DOCK4: variants seen among roughly 807,000 people sequenced by gnomAD.
DOCK4 encodes the protein dedicator of cytokinesis protein 4.
Under a neutral mutation model 268.1 loss-of-function variants are expected in DOCK4, and 97 were observed. That is an observed-to-expected ratio of 0.36 (90% confidence interval 0.31 to 0.43). The LOEUF is 0.43. DOCK4 is among the 20% of genes least tolerant of loss of function. The probability of loss-of-function intolerance (pLI) is 1.00; values close to 1 mark genes in which losing one functional copy is unlikely to be tolerated. For missense variants in DOCK4, 2,145 were observed against 2,455.7 expected (o/e 0.87, Z 2.67); for synonymous variants, 954 against 887.2 (o/e 1.08, Z -1.34).
intron 35 of DOCK4, 145 bp downstream of exon 35, chr7:111,782,719 C>A (rs548100788): frequency 2.4e-6 from 2 of 850,218 alleles, no homozygotes; most frequent in Non-Finnish European, 3.7e-6. Flanking sequence ...GCTCACTATG[C>A]TTCTCTTAAA....
chr7:112,124,948 T>C (rs1025228574), intron 1 of DOCK4, among the ~76,000 whole-genome samples: 2 of 152,198 alleles, frequency 1.3e-5, no homozygotes, highest in African/African-American at 2.4e-5. Flanking sequence ...GAGATATTCA[T>C]ATAAACATGA....
At chr7:111,870,907 A>T (rs17158926) in intron 20 of DOCK4, among the ~76,000 whole-genome samples, 31,497 of 152,014 alleles carry the variant, frequency 0.21, 3,483 homozygotes, top group African/African-American at 0.27. Flanking sequence ...TAGGGCCCAA[A>T]TTGTTAGGCT....
intron 1 of DOCK4, among the ~76,000 whole-genome samples, chr7:112,093,814 TA>T (rs1809857187): frequency 6.8e-6 from 1 of 146,426 alleles, no homozygotes; most frequent in South Asian, 2.1e-4. Flanking sequence ...AATATTGAGA[TA>T]AAAAATTGAT....
At chr7:111,916,196 G>A (rs1792572365) in intron 12 of DOCK4, among the ~76,000 whole-genome samples, 1 of 152,104 alleles carries the variant, frequency 6.6e-6, no homozygotes, top group African/African-American at 2.4e-5. Context: ...CTAGTCTGGT[G>A]GAGCACGTTC....
intron 1 of DOCK4, chr7:112,023,378 T>C (rs1802507006): frequency 4.4e-6 from 1 of 225,812 alleles, no homozygotes. Flanking sequence ...AAAGCCTCTG[T>C]TTCCCCCTTA....
intron 1 of DOCK4, among the ~76,000 whole-genome samples, chr7:112,141,193 A>T (rs1454845297): frequency 6.6e-6 from 1 of 152,146 alleles, no homozygotes; most frequent in Non-Finnish European, 1.5e-5. Context: ...AGCTTTTTAT[A>T]TTAAACCCCT....
chr7:111,815,363 A>G (rs941290025), intron 27 of DOCK4, among the ~76,000 whole-genome samples: 2 of 152,220 alleles, frequency 1.3e-5, no homozygotes, highest in African/African-American at 4.8e-5. Context: ...TCTCTAAGCT[A>G]GCCAGAGACA....
chr7:112,018,168 A>C lies in DOCK4; in HGVS notation c.38-14037T>G, dbSNP rs1227174782. ...CAAAAAAAAAAAAAAAAAAAAAAAA[A>C]AAAAAAAAAAAACACAGGCAACCAG... On this transcript the variant is annotated intron_variant, in intron 1 of 52. Coordinates refer to ENST00000428084, the MANE Select transcript of DOCK4 (RefSeq NM_001363540.2). 6.3e-5 allele frequency among the ~76,000 whole-genome samples: 9 copies of C among 143,834 alleles called. No individual in the cohort carries two copies. In the South Asian group the frequency reaches 6.8e-4, roughly 11 times the overall value. The allele number at this position is 143,834 out of a possible 152,430, so 94.4% of individuals were successfully genotyped here.
At chr7:112,134,136 C>T (rs1030630872) in intron 1 of DOCK4, among the ~76,000 whole-genome samples, 1 of 152,160 alleles carries the variant, frequency 6.6e-6, no homozygotes, top group Admixed American at 6.5e-5. Context: ...AGAATCGTTT[C>T]AATTGTAATT....
intron 26 of DOCK4, among the ~76,000 whole-genome samples, chr7:111,831,793 G>A (rs1802831188): frequency 6.6e-6 from 1 of 152,106 alleles, no homozygotes; most frequent in African/African-American, 2.4e-5. Context: ...CTGGCCAAAT[G>A]CATTTTCAAT....
At chr7:111,853,865 G>C (rs1378632313) in intron 23 of DOCK4, among the ~76,000 whole-genome samples, 8 of 151,948 alleles carry the variant, frequency 5.3e-5, no homozygotes, top group African/African-American at 1.9e-4. Flanking sequence ...AGCTCAAAAA[G>C]TTGCTTTTCC....
intron 30 of DOCK4, among the ~76,000 whole-genome samples, chr7:111,800,223 T>TAA (rs562610418): frequency 4.0e-4 from 56 of 138,730 alleles, no homozygotes; most frequent in African/African-American, 1.1e-3. Context: ...ATACTTGTCC[T>TAA]AAAAAAAAAA....
rs1298851043 is a variant in DOCK4 at position 111,872,677 on chromosome 7, C to A, written c.1745-113G>T. On this transcript the variant is annotated intron_variant, in intron 17 of 52. Coordinates refer to ENST00000428084, the MANE Select transcript of DOCK4 (RefSeq NM_001363540.2). ...AACACATGTGGCTCCCCTCTCCTAG[C>A]CACTCAAGTTGCAGGCTCCCACAAA... 4 of 791,904 alleles carry A rather than the reference C, an allele frequency of 5.1e-6. No homozygotes were observed. In the East Asian group the frequency reaches 8.1e-5, roughly 16 times the overall value. 49.1% of individuals were successfully genotyped at this position (791,904 alleles called of 1,614,324 possible).
At chr7:111,981,649 C>G (rs976843396) in intron 7 of DOCK4, among the ~76,000 whole-genome samples, 1 of 152,196 alleles carries the variant, frequency 6.6e-6, no homozygotes, top group Non-Finnish European at 1.5e-5. Flanking sequence ...TGGAAATAGT[C>G]AAGTGCAACC....
At chr7:111,944,924 G>A (rs1795499888) in intron 9 of DOCK4, 53 bp from the exon 10 acceptor site, 2 of 1,415,048 alleles carry the variant, frequency 1.4e-6, no homozygotes, top group South Asian at 2.3e-5. Flanking sequence ...GCACTTAAAG[G>A]GCATAGCACT....
chr7:111,927,398 C>A (rs1419453622), intron 12 of DOCK4, among the ~76,000 whole-genome samples: 1 of 152,158 alleles, frequency 6.6e-6, no homozygotes, highest in Non-Finnish European at 1.5e-5. Flanking sequence ...GCATTAAAGA[C>A]ATGTGAAATT....
At chr7:112,018,139 A>G (rs1336558607) in intron 1 of DOCK4, among the ~76,000 whole-genome samples, 1 of 111,460 alleles carries the variant, frequency 9.0e-6, no homozygotes, top group Non-Finnish European at 1.8e-5. Context: ...GCAAGACTCC[A>G]GCTCAAAAAA....
chr7:112,118,554 C>A (rs1324495583), intron 1 of DOCK4, among the ~76,000 whole-genome samples: 1 of 152,094 alleles, frequency 6.6e-6, no homozygotes, highest in African/African-American at 2.4e-5. Context: ...GAAACCATTG[C>A]CAAAAAAGCC....
intron 1 of DOCK4, among the ~76,000 whole-genome samples, chr7:112,184,126 G>A (rs1819286820): frequency 6.6e-6 from 1 of 152,142 alleles, no homozygotes; most frequent in Non-Finnish European, 1.5e-5. Flanking sequence ...CACAGCCCCT[G>A]CACGTGCCTA....
Sources: allele counts gnomAD v4.1 joint callset (sites outside exome capture counted in the v4.1 genomes callset), GRCh38; gene constraint gnomAD v4.1.1; transcripts MANE v1.5; gene names NCBI Gene and HGNC (gene_info 2026-07-23, HGNC 2026-07-21).